Variants in TRPM2 observed in about 807,000 individuals in gnomAD.
TRPM2 encodes transient receptor potential cation channel subfamily M member 2.
TRPM2 carries 161 observed loss-of-function variants against 174.0 expected under a neutral mutation model. The ratio of observed to expected loss-of-function variants is 0.93; its 90% CI spans 0.81 to 1.05. The LOEUF (loss-of-function observed/expected upper bound fraction) is 1.05. TRPM2 is among the 50% of genes least tolerant of loss of function. The pLI is 0.00. For missense variants in TRPM2, 2,057 were observed against 2,038.0 expected, an observed-to-expected ratio of 1.01 and a Z score of -0.18; for synonymous variants, 954 against 861.3, an observed-to-expected ratio of 1.11 and a Z score of -1.88.
chr21:44,381,879 C>A (rs1190671584), intron 8 of TRPM2, among the ~76,000 whole-genome samples: 8 of 149,662 alleles, frequency 5.3e-5, no homozygotes, highest in Non-Finnish European at 1.2e-4. Flanking sequence ...TGCACTCCAG[C>A]CTGGGTGGCA....
At chr21:44,401,993 G>A in intron 16 of TRPM2, 96 bp downstream of exon 16, 1 of 1,371,906 alleles carries the variant, frequency 7.3e-7, no homozygotes. Context: ...ACCCCATCTA[G>A]CCTGCCCAGC....
Position 44,414,026 on chromosome 21 carries a change from T to A in TRPM2, c.3098T>A (p.Leu1033Gln), listed in dbSNP as rs759851097. 1 of 1,613,488 alleles carries A rather than the reference T, an allele frequency of 6.2e-7. No homozygotes were observed. The highest frequency in any genetic ancestry group is 1.3e-5 in the African/African-American group (1 of 75,008). Residue 1033 changes from leucine to glutamine, a missense_variant, in exon 20 of 32, where the codon CTG (leucine) becomes CAG (glutamine). Physicochemically the swap from Leu to Gln is moderately radical, Grantham distance 113. Coordinates refer to ENST00000397928, the MANE Select transcript of TRPM2 (RefSeq NM_003307.4). ...ACGGTCCTCCTACTCTGCCTCTACC[T>A]GCTCTTCACCAACATCCTGCTGCTC... Reference protein sequence around the residue: ...WLTVLLLCLYLLFTNILLLNL... With the variant: ...WLTVLLLCLYQLFTNILLLNL...
intron 23 of TRPM2, 122 bp downstream of exon 23, chr21:44,423,854 C>A: frequency 2.4e-6 from 2 of 840,938 alleles, no homozygotes; most frequent in Non-Finnish European, 3.8e-6. Context: ...GAGGCCGGAA[C>A]GTTGGGGCAG....
chr21:44,403,792 T>C (rs1400152454), intron 16 of TRPM2, among the ~76,000 whole-genome samples: 1 of 147,530 alleles, frequency 6.8e-6, no homozygotes. Context: ...CACATACAAA[T>C]ATACACAGAT....
At chr21:44,401,257 T>C (rs535993068) in intron 15 of TRPM2, among the ~76,000 whole-genome samples, 4 of 152,238 alleles carry the variant, frequency 2.6e-5, no homozygotes, top group East Asian at 3.9e-4. Flanking sequence ...CCCACCCCCA[T>C]TGAGGACGGC....
chr21:44,361,871 G>A (rs1415358891), intron 2 of TRPM2, among the ~76,000 whole-genome samples: 4 of 152,106 alleles, frequency 2.6e-5, no homozygotes, highest in African/African-American at 9.7e-5. Flanking sequence ...ACCATGCCCG[G>A]TTAATTTTTG....
At position 44,406,892 on chromosome 21, in the gene TRPM2, G is replaced by T. The variant is rs887158619; in HGVS notation, c.2962+127G>T. ...GGGTCCTGCGGTTCCCACCTGGCCG[G>T]TGTCCTCCCTGGGGGCATTCATTCC... On this transcript the variant is annotated intron_variant, in intron 19 of 31. Transcript: ENST00000397928. 1.7e-5 allele frequency: 22 copies of T among 1,262,422 alleles called. No homozygotes were observed. In the South Asian group the frequency reaches 1.9e-4, roughly 11 times the overall value. 78.2% of individuals were successfully genotyped at this position (1,262,422 alleles called of 1,614,324 possible). A position where few individuals can be genotyped will look rare whatever the true frequency, so the allele number is the denominator to read the frequency against.
chr21:44,354,469 T>G lies in TRPM2; in HGVS notation c.166-179T>G, dbSNP rs371102933. On this transcript the variant is annotated intron_variant, in intron 1 of 31. Transcript: ENST00000397928. The surrounding 1 kb of genome is among the most constrained non-coding windows in gnomAD (Gnocchi z 4.3). ...ATTTCTTAGATTCATTCCTCCCTCCTGAATCCCCACCGGAGAGTCTTGGCA... is the reference window on the plus strand; with the variant it reads ...ATTTCTTAGATTCATTCCTCCCTCCGGAATCCCCACCGGAGAGTCTTGGCA... Among the ~76,000 whole-genome samples, 7 of 152,186 alleles carry G rather than the reference T, an allele frequency of 4.6e-5. No individual in the cohort carries two copies. In the East Asian group the frequency reaches 7.7e-4, roughly 17 times the overall value.
chr21:44,395,114 C>T (rs1433936578), intron 11 of TRPM2, among the ~76,000 whole-genome samples: 1 of 152,222 alleles, frequency 6.6e-6, no homozygotes, highest in African/African-American at 2.4e-5. Context: ...AGCTTTGATG[C>T]CATCAGATAA....
intron 20 of TRPM2, 56 bp downstream of exon 20, chr21:44,414,130 C>A (rs929383438): frequency 2.5e-6 from 4 of 1,575,144 alleles, no homozygotes; most frequent in African/African-American, 2.7e-5. Context: ...CGTTCCTGGG[C>A]CGCAGTGGCC....
intron 7 of TRPM2, among the ~76,000 whole-genome samples, 155 bp from the exon 8 acceptor site, chr21:44,378,842 C>T (rs1431268598): frequency 6.6e-6 from 1 of 152,234 alleles, no homozygotes; most frequent in Non-Finnish European, 1.5e-5. Context: ...TCCCCCAGAG[C>T]AGGGGACGCC....
In TRPM2 at chr21:44,440,715, G is replaced by A. The variant is rs919966545; in HGVS notation, c.4270-74G>A. 1.5e-5 allele frequency: 19 copies of A among 1,282,242 alleles called. No individual in the cohort carries two copies. The South Asian group carries it at 2.0e-4, about 14-fold the overall frequency. The allele number at this position is 1,282,242 out of a possible 1,614,324, so 79.4% of individuals were successfully genotyped here. A position where few individuals can be genotyped will look rare whatever the true frequency, so the allele number is the denominator to read the frequency against. ...GCTGTGCTCAGAGCTGGGTCAGGGT[G>A]GAGGGCACGAGGTGGGCCGGGGCAC... On this transcript the variant is annotated intron_variant, in intron 30 of 31. Transcript: ENST00000397928.
intron 31 of TRPM2, among the ~76,000 whole-genome samples, chr21:44,441,227 C>T (rs1019186973): frequency 5.9e-5 from 7 of 119,482 alleles, no homozygotes; most frequent in Admixed American, 1.8e-4. Flanking sequence ...GGCCAGAGCT[C>T]ACAGGGCTGG....
chr21:44,435,949 C>A (rs2051244459), intron 28 of TRPM2, among the ~76,000 whole-genome samples: 1 of 150,854 alleles, frequency 6.6e-6, no homozygotes, highest in Non-Finnish European at 1.5e-5. Context: ...CCCACACTCA[C>A]CCCTCAGACT....
intron 22 of TRPM2, among the ~76,000 whole-genome samples, chr21:44,419,353 C>T (rs2050428759): frequency 6.6e-6 from 1 of 152,108 alleles, no homozygotes; most frequent in Non-Finnish European, 1.5e-5. Flanking sequence ...ATACCTCCCT[C>T]ACCTTGTCTG....
At chr21:44,397,695 G>C in intron 12 of TRPM2, 52 bp from the exon 13 acceptor site, 1 of 1,506,130 alleles carries the variant, frequency 6.6e-7, no homozygotes, top group Non-Finnish European at 8.9e-7. Flanking sequence ...GGGTTCCTCA[G>C]GCTGGGTTGA....
chr21:44,422,431 C>T (rs550207180), intron 22 of TRPM2: 15 of 1,535,590 alleles, frequency 9.8e-6, no homozygotes, highest in African/African-American at 2.7e-5. Context: ...TGCGGTTAAG[C>T]GGCTTTTGTG....
At chr21:44,423,304 C>T (rs1031017026) in intron 22 of TRPM2, 1 of 316,068 alleles carries the variant, frequency 3.2e-6, no homozygotes, top group East Asian at 6.7e-5. Context: ...AAAACAAAAC[C>T]AACCTCTGCT....
At chr21:44,418,616 C>T in intron 22 of TRPM2, 61 bp downstream of exon 22, 1 of 1,600,412 alleles carries the variant, frequency 6.2e-7, no homozygotes, top group East Asian at 2.2e-5. Flanking sequence ...TGCAGGTCCA[C>T]AGGCACCATG....
Sources: gnomAD v4.1 joint callset for allele counts (sites outside exome capture counted in the v4.1 genomes callset) on GRCh38, gnomAD v4.1.1 for gene constraint, Gnocchi (gnomAD v3.1) non-coding constraint, MANE v1.5 for transcripts, NCBI Gene and HGNC (gene_info 2026-07-23, HGNC 2026-07-21) for gene names.